Variants in CLDN12 observed in about 807,000 individuals in gnomAD.
CLDN12 encodes claudin 12, also known as claudin-12.
Under a neutral mutation model 15.5 loss-of-function variants are expected in CLDN12, and 9 were observed. That is an observed-to-expected ratio of 0.58 (90% CI 0.35 to 1.02). The LOEUF (loss-of-function observed/expected upper bound fraction) is 1.02. CLDN12 is among the 50% of genes least tolerant of loss of function. The probability of loss-of-function intolerance (pLI) is 0.02; values close to 1 mark genes in which losing one functional copy is unlikely to be tolerated. For missense variants in CLDN12, 233 were observed against 297.3 expected (o/e 0.78, Z 1.59); for synonymous variants, 140 against 121.6 (o/e 1.15, Z -1.00).
rs1210708993 is a variant in CLDN12 at position 90,412,667 on chromosome 7, C to T, written c.-10C>T. ...AGTCTGACTGACAGTACTCCACAAG[C>T]TTGCCTGCCATGGGCTGTCGGGATG... On this transcript the variant is annotated 5_prime_UTR_variant, in exon 4 of 4. Transcript: ENST00000496677. The T allele has an allele frequency of 1.2e-6, 2 of 1,605,904 alleles. No homozygotes were observed. Among genetic ancestry groups the T allele is most frequent in the Non-Finnish European group, 1.7e-6 (2 of 1,176,216 alleles).
In CLDN12 at chr7:90,413,543, G is replaced by T. The variant is rs3810874; in HGVS notation, c.*132G>T. 304,232 of 1,463,274 alleles carry T rather than the reference G, an allele frequency of 0.21. 35,037 individuals carry two copies. The highest frequency in any genetic ancestry group is 0.54 in the East Asian group (22,271 of 41,204). 90.6% of individuals were successfully genotyped at this position (1,463,274 alleles called of 1,614,324 possible). On this transcript the variant is annotated 3_prime_UTR_variant, in exon 4 of 4. Transcript: ENST00000496677. ...AATGAAGCCAAATTTATATGTCCTA[G>T]TAGAATGAAGTGCTGCTAGTTTTTA...
chr7:90,413,991 G>T lies in CLDN12; in HGVS notation c.*580G>T. On this transcript the variant is annotated 3_prime_UTR_variant, in exon 4 of 4. Coordinates refer to ENST00000496677, the MANE Select transcript of CLDN12 (RefSeq NM_001185072.3). ...TCATGCCACTGTTTAAAAGTAAAACGTATTTTAACGATGTTAGAATAAGAC... is the reference window on the plus strand; with the variant it reads ...TCATGCCACTGTTTAAAAGTAAAACTTATTTTAACGATGTTAGAATAAGAC... The T allele has an allele frequency of 1.0e-6, 1 of 976,824 alleles. No individual in the cohort carries two copies. The highest frequency in any genetic ancestry group is 1.2e-6 in the Non-Finnish European group (1 of 809,666). 60.5% of individuals were successfully genotyped at this position (976,824 alleles called of 1,614,324 possible).
At position 90,412,925 on chromosome 7, in the gene CLDN12, G is replaced by T; in HGVS notation, c.249G>T (p.Leu83=). 1 of 1,614,180 alleles carries T rather than the reference G, an allele frequency of 6.2e-7. No individual in the cohort carries two copies. Among genetic ancestry groups the T allele is most frequent in the Non-Finnish European group, 8.5e-7 (1 of 1,180,032 alleles). ...TWYSSVDQLD[L]RVLQFALPLS... is the part of the protein sequence containing the mutation. ...ACTCATCAGTTGACCAGCTGGACCT[G>T]CGTGTCCTCCAGTTTGCCCTACCCC... The change falls in exon 4 of 4, where the codon CTG becomes CTT. Residue 83 remains leucine (L), a synonymous_variant. Transcript: ENST00000496677.
intron 2 of CLDN12, among the ~76,000 whole-genome samples, chr7:90,407,428 C>A (rs1796859720): frequency 2.6e-5 from 4 of 152,156 alleles, no homozygotes; most frequent in Non-Finnish European, 4.4e-5. Flanking sequence ...TATCAGAACA[C>A]AGGGTGGTGT....
rs1487483983 is a variant in CLDN12 at position 90,403,565 on chromosome 7, A to G, written c.-167+16A>G. On this transcript the variant is annotated intron_variant, in intron 1 of 3. Transcript: ENST00000496677. ...TGAGAAGCAGGTAGGTGTGGTCAAG[A>G]TGTTCCGATTTCTGGGTCTTTTGCA... The G allele has an allele frequency of 1.3e-5, 2 of 152,166 alleles. No individual in the cohort carries two copies. The highest frequency in any genetic ancestry group is 2.4e-5 in the African/African-American group (1 of 41,428). 9.4% of individuals were successfully genotyped at this position (152,166 alleles called of 1,614,324 possible).
At chr7:90,408,751 A>C (rs1057485259) in intron 2 of CLDN12, among the ~76,000 whole-genome samples, 3 of 152,184 alleles carry the variant, frequency 2.0e-5, no homozygotes, top group African/African-American at 7.2e-5. Context: ...TGAGCTAAGA[A>C]TGCTTCATCA....
intron 2 of CLDN12, among the ~76,000 whole-genome samples, chr7:90,406,871 C>T (rs900736897): frequency 1.3e-5 from 2 of 152,016 alleles, no homozygotes; most frequent in Non-Finnish European, 2.9e-5. Flanking sequence ...TAGCCTTGCA[C>T]GTTTTCCACA....
intron 1 of CLDN12, among the ~76,000 whole-genome samples, chr7:90,403,905 G>C (rs1796783356): frequency 6.6e-6 from 1 of 152,030 alleles, no homozygotes; most frequent in African/African-American, 2.4e-5. Context: ...AGCTCTGAGA[G>C]CGTTAACAGT....
chr7:90,404,141 GA>G lies in CLDN12; in HGVS notation c.-167+595del, dbSNP rs1174903447. Among the ~76,000 whole-genome samples the G allele has an allele frequency of 2.0e-5, 3 of 152,078 alleles. No homozygotes were observed. The East Asian group carries it at 5.8e-4, about 29-fold the overall frequency. On this transcript the variant is annotated intron_variant, in intron 1 of 3. Transcript: ENST00000496677. ...GTAAGGGGCCCATAGCCACGTTAGGGAAAGGTCAGACTTGGTGACCTCACTT... is the reference window on the plus strand; with the variant it reads ...GTAAGGGGCCCATAGCCACGTTAGGGAAGGTCAGACTTGGTGACCTCACTT...
intron 2 of CLDN12, among the ~76,000 whole-genome samples, chr7:90,407,347 T>G (rs1291866810): frequency 6.6e-6 from 1 of 152,208 alleles, no homozygotes; most frequent in African/African-American, 2.4e-5. Context: ...AAATGAATGT[T>G]GTTTTGTAAA....
chr7:90,412,715 C>A lies in CLDN12; in HGVS notation c.39C>A (p.Ser13=), dbSNP rs746541829. The change falls in exon 4 of 4, where the codon TCC becomes TCA. Residue 13 remains serine, a synonymous_variant. Transcript: ENST00000496677. ...CRDVHAATVL[S]FLCGIASVAG... is the part of the protein sequence containing the mutation. ...ATGTCCACGCAGCCACAGTCCTTTC[C>A]TTCCTGTGTGGAATCGCCTCAGTAG... is the stretch of plus-strand genomic sequence containing the variant. 2 of 1,614,082 alleles carry A rather than the reference C, an allele frequency of 1.2e-6. No homozygotes were observed. Among genetic ancestry groups the A allele is most frequent in the South Asian group, 2.2e-5 (2 of 91,068 alleles).
At position 90,412,472 on chromosome 7, in the gene CLDN12, C is replaced by G. The variant is rs1220214102; in HGVS notation, c.-33-172C>G. 6.0e-5 allele frequency: 34 copies of G among 562,858 alleles called. No homozygotes were observed. In the East Asian group the frequency reaches 9.2e-4, roughly 15 times the overall value. 34.9% of individuals were successfully genotyped at this position (562,858 alleles called of 1,614,324 possible). On this transcript the variant is annotated intron_variant, in intron 3 of 3. Coordinates refer to ENST00000496677, the MANE Select transcript of CLDN12 (RefSeq NM_001185072.3). Reference sequence around the variant, plus strand: ...TGTGTGCACCTGTGCTCTGAGGTCACACACACCTGCATGTATATACATTTG... The same window carrying G: ...TGTGTGCACCTGTGCTCTGAGGTCAGACACACCTGCATGTATATACATTTG...
chr7:90,407,677 A>AGAAAAAGT (rs1383879203), intron 2 of CLDN12, among the ~76,000 whole-genome samples: 10 of 152,244 alleles, frequency 6.6e-5, no homozygotes, highest in African/African-American at 2.2e-4. Flanking sequence ...CTGCTACAGA[A>AGAAAAAGT]GAAAAAGTGC....
chr7:90,410,839 A>G (rs892741594), intron 2 of CLDN12, among the ~76,000 whole-genome samples: 2 of 152,084 alleles, frequency 1.3e-5, no homozygotes, highest in African/African-American at 4.8e-5. Flanking sequence ...TCTACAAAAA[A>G]TACAAAAATT....
At chr7:90,410,878 T>G (rs1344570527) in intron 2 of CLDN12, among the ~76,000 whole-genome samples, 1 of 152,004 alleles carries the variant, frequency 6.6e-6, no homozygotes, top group African/African-American at 2.4e-5. Context: ...GTGCTTATGG[T>G]CCCAGCTACT....
In CLDN12 at chr7:90,412,826, T is replaced by G. The variant is rs778948294; in HGVS notation, c.150T>G (p.Val50=). The G allele has an allele frequency of 6.2e-7, 1 of 1,614,158 alleles. No homozygotes were observed. Among genetic ancestry groups the G allele is most frequent in the East Asian group, 2.2e-5 (1 of 44,880 alleles). Residue 50 remains valine, a synonymous_variant, in exon 4 of 4, where the codon GTT becomes GTG. Coordinates refer to ENST00000496677, the MANE Select transcript of CLDN12 (RefSeq NM_001185072.3). The part of the protein sequence containing the change: ...TFNRNEKNLT[V]YTGLWVKCAR... Reference sequence around the variant, plus strand: ...ACAGAAACGAGAAGAACCTGACTGTTTACACAGGCCTGTGGGTGAAATGTG... The same window carrying G: ...ACAGAAACGAGAAGAACCTGACTGTGTACACAGGCCTGTGGGTGAAATGTG...
chr7:90,407,718 CAG>C (rs1474826982), intron 2 of CLDN12, among the ~76,000 whole-genome samples: 3 of 152,156 alleles, frequency 2.0e-5, no homozygotes, highest in African/African-American at 4.8e-5. Context: ...TAACCAGGGA[CAG>C]GGGGAGGTTT....
intron 2 of CLDN12, among the ~76,000 whole-genome samples, chr7:90,407,985 A>G (rs779763447): frequency 6.6e-6 from 1 of 152,112 alleles, no homozygotes; most frequent in Non-Finnish European, 1.5e-5. Flanking sequence ...AGGAGTTGAA[A>G]CTTTAGAGAT....
intron 2 of CLDN12, among the ~76,000 whole-genome samples, chr7:90,409,980 C>T (rs1394951736): frequency 6.6e-6 from 1 of 152,146 alleles, no homozygotes; most frequent in Admixed American, 6.6e-5. Context: ...CTTCCTTGTA[C>T]AGTTCTTCAT....
Sources: gnomAD v4.1 joint callset for allele counts (sites outside exome capture counted in the v4.1 genomes callset) on GRCh38, gnomAD v4.1.1 for gene constraint, MANE v1.5 for transcripts, NCBI Gene and HGNC (gene_info 2026-07-23, HGNC 2026-07-21) for gene names.